The following COL5A1 variants were observed in gnomAD, a reference collection of about 807,000 sequenced individuals.
The protein encoded by COL5A1 is collagen type V alpha 1 chain, also known as collagen alpha-1(V) chain.
A neutral mutation model predicts 263.7 loss-of-function variants in COL5A1; 16 were observed. The ratio of observed to expected loss-of-function variants is 0.06; its 90% CI spans 0.04 to 0.09. The LOEUF (loss-of-function observed/expected upper bound fraction) is 0.09. Among genes scored for constraint, COL5A1 ranks in the 10% least tolerant of loss-of-function variants. The pLI, the probability that COL5A1 is intolerant of heterozygous loss-of-function variation, is 1.00. For missense variants in COL5A1, 2,036 were observed against 2,540.5 expected, an observed-to-expected ratio of 0.80 and a Z score of 4.27; for synonymous variants, 1,012 against 1,004.5, an observed-to-expected ratio of 1.01 and a Z score of -0.14.
chr9:134,698,568 C>T (rs1452883152), intron 2 of COL5A1, among the ~76,000 whole-genome samples: 3 of 152,218 alleles, frequency 2.0e-5, no homozygotes, highest in African/African-American at 7.2e-5. Flanking sequence ...CCCTTGGAAG[C>T]CTCAGGATGC....
In COL5A1 at chr9:134,735,209, CAA is replaced by C. The variant is rs11288569; in HGVS notation, c.1389+3097_1389+3098del. Among the ~76,000 whole-genome samples the C allele has an allele frequency of 4.8e-3, 654 of 135,552 alleles. 2 individuals carry two copies. Among genetic ancestry groups the C allele is most frequent in the African/African-American group, 0.011 (399 of 36,828 alleles). The allele number at this position is 135,552 out of a possible 152,430, so 88.9% of individuals were successfully genotyped here. A position where few individuals can be genotyped will look rare whatever the true frequency, so the allele number is the denominator to read the frequency against. ...GCCTGGACAGCGTGAGACTCCATCT[CAA>C]AAAAAAAAAAAAAATTGTGTGCATT... On this transcript the variant is annotated intron_variant, in intron 9 of 65. Transcript: ENST00000371817.
At chr9:134,819,080 A>C (rs751487207) in intron 57 of COL5A1, 27 bp downstream of exon 57, 13 of 1,611,174 alleles carry the variant, frequency 8.1e-6, no homozygotes, top group Non-Finnish European at 9.3e-6. Flanking sequence ...TGCCCCAGCA[A>C]CTGTGACTCG....
chr9:134,810,535 G>A (rs1275786875), intron 44 of COL5A1: 6 of 559,600 alleles, frequency 1.1e-5, no homozygotes, highest in Admixed American at 3.2e-5. Context: ...AGCATCCACC[G>A]GTTTTGCGAA....
At chr9:134,804,935 C>T (rs760151025) in intron 39 of COL5A1, 40 bp from the exon 40 acceptor site, 1 of 1,569,552 alleles carries the variant, frequency 6.4e-7, no homozygotes, top group African/African-American at 1.4e-5. Flanking sequence ...AGGTCTGCGT[C>T]ACTGGCTCCA....
intron 25 of COL5A1, among the ~76,000 whole-genome samples, chr9:134,770,232 T>TTC (rs1477766418): frequency 6.6e-6 from 1 of 152,238 alleles, no homozygotes; most frequent in African/African-American, 2.4e-5. Context: ...AGAGAGAGTT[T>TTC]TCTTTTTTTC....
chr9:134,791,216 T>G (rs894612444), intron 32 of COL5A1, among the ~76,000 whole-genome samples: 2 of 152,232 alleles, frequency 1.3e-5, no homozygotes, highest in Non-Finnish European at 2.9e-5. Flanking sequence ...TGTCTGGCCC[T>G]GCCCAAGGAC....
Position 134,754,206 on chromosome 9 carries a change from A to G in COL5A1, c.1774-67A>G, listed in dbSNP as rs1835893268. ...GGGCAGGGTCGATGAGCACAGGGAC[A>G]AGGCTTTGCTCTTTCTCCTGAGAAA... On this transcript the variant is annotated intron_variant, in intron 15 of 65. Coordinates refer to ENST00000371817, the MANE Select transcript of COL5A1 (RefSeq NM_000093.5). The surrounding 1 kb of genome is among the most constrained non-coding windows in gnomAD (Gnocchi z 4.3). The G allele has an allele frequency of 1.3e-6, 2 of 1,546,992 alleles. No individual in the cohort carries two copies. Among genetic ancestry groups the G allele is most frequent in the Non-Finnish European group, 1.8e-6 (2 of 1,125,404 alleles).
intron 6 of COL5A1, 47 bp downstream of exon 6, chr9:134,728,854 A>G (rs1484513419): frequency 6.2e-6 from 10 of 1,612,642 alleles, no homozygotes; most frequent in Non-Finnish European, 6.8e-6. Flanking sequence ...CCTCGAGGCC[A>G]TGGTGCAGGG....
intron 13 of COL5A1, among the ~76,000 whole-genome samples, chr9:134,751,926 T>G (rs904078757): frequency 1.3e-5 from 2 of 152,238 alleles, no homozygotes; most frequent in African/African-American, 4.8e-5. Flanking sequence ...TTTTATCTTG[T>G]GTATTTTAAT....
At chr9:134,822,923 TG>T in intron 59 of COL5A1, 74 bp from the exon 60 acceptor site, 2 of 1,562,906 alleles carry the variant, frequency 1.3e-6, no homozygotes, top group Non-Finnish European at 8.8e-7. Context: ...GAGACCAGGC[TG>T]GGCAGGACAT....
chr9:134,676,337 G>A lies in COL5A1; in HGVS notation c.110-14575G>A, dbSNP rs143773237. ...AAGGATTTCCATGGCTTAAGGACATGTTGGGCCATCTCTCCATCTCAGGCC... is the reference window on the plus strand; with the variant it reads ...AAGGATTTCCATGGCTTAAGGACATATTGGGCCATCTCTCCATCTCAGGCC... On this transcript the variant is annotated intron_variant, in intron 1 of 65. Transcript: ENST00000371817. Among the ~76,000 whole-genome samples the A allele has an allele frequency of 4.1e-3, 628 of 152,294 alleles. 5 individuals are homozygous for A. Among genetic ancestry groups the A allele is most frequent in the Non-Finnish European group, 7.4e-3 (503 of 68,022 alleles).
At position 134,760,130 on chromosome 9, in the gene COL5A1, A is replaced by C; in HGVS notation, c.1936-1795A>C. On this transcript the variant is annotated intron_variant, in intron 18 of 65. Coordinates refer to ENST00000371817, the MANE Select transcript of COL5A1 (RefSeq NM_000093.5). ...CACTCATACACGCCCACACACCCCCACACTCACATGTGCAGACACCACACA... is the reference window on the plus strand; with the variant it reads ...CACTCATACACGCCCACACACCCCCCCACTCACATGTGCAGACACCACACA... Among the ~76,000 whole-genome samples, 2 of 91,004 alleles carry C rather than the reference A, an allele frequency of 2.2e-5. 1 individual carries two copies. Among genetic ancestry groups the C allele is most frequent in the Admixed American group, 2.8e-4 (2 of 7,182 alleles). 59.7% of individuals were successfully genotyped at this position (91,004 alleles called of 152,430 possible).
chr9:134,809,897 A>G (rs1191826071), intron 43 of COL5A1, among the ~76,000 whole-genome samples: 1 of 152,218 alleles, frequency 6.6e-6, no homozygotes, highest in Non-Finnish European at 1.5e-5. Flanking sequence ...ACCGACAGGA[A>G]CAACAGAGAG....
Position 134,649,099 on chromosome 9 carries a change from T to TG in COL5A1, c.109+6811dup, listed in dbSNP as rs537009308. ...GGGTGAAGTTGGTGCGGGCGGGGTGTGGGGGGGGCTTTGCCATCTCAGATG... is the reference window on the plus strand; with the variant it reads ...GGGTGAAGTTGGTGCGGGCGGGGTGTGGGGGGGGGCTTTGCCATCTCAGATG... On this transcript the variant is annotated intron_variant, in intron 1 of 65. Coordinates refer to ENST00000371817, the MANE Select transcript of COL5A1 (RefSeq NM_000093.5). Among the ~76,000 whole-genome samples the TG allele has an allele frequency of 4.8e-4, 59 of 123,164 alleles. No homozygotes were observed. In the South Asian group the frequency reaches 8.8e-3, roughly 18 times the overall value. The allele number at this position is 123,164 out of a possible 152,430, so 80.8% of individuals were successfully genotyped here.
At chr9:134,759,176 T>C (rs1389262354) in intron 18 of COL5A1, among the ~76,000 whole-genome samples, 1 of 151,836 alleles carries the variant, frequency 6.6e-6, no homozygotes, top group African/African-American at 2.4e-5. Flanking sequence ...ACTGAGGACA[T>C]ACAGGCACAT....
At chr9:134,657,421 T>G (rs868317677) in intron 1 of COL5A1, among the ~76,000 whole-genome samples, 39 of 5,878 alleles carry the variant, frequency 6.6e-3, no homozygotes, top group Admixed American at 0.018. Context: ...AATATGGGGG[T>G]GGGGTGGGGG....
In COL5A1 at chr9:134,811,210, C is replaced by G; in HGVS notation, c.3529-129C>G. 5 of 850,530 alleles carry G rather than the reference C, an allele frequency of 5.9e-6. 1 individual carries two copies. The highest frequency in any genetic ancestry group is 5.3e-5 in the South Asian group (4 of 74,926). 52.7% of individuals were successfully genotyped at this position (850,530 alleles called of 1,614,324 possible). On this transcript the variant is annotated intron_variant, in intron 44 of 65. Coordinates refer to ENST00000371817, the MANE Select transcript of COL5A1 (RefSeq NM_000093.5). ...CAGGCTTGCATCGTGGTGCAAGGAA[C>G]GACACATTTGGAGACTGAACTGACG...
Position 134,696,229 on chromosome 9 carries a change from A to T in COL5A1, c.278-3680A>T, listed in dbSNP as rs1833461603. Among the ~76,000 whole-genome samples the T allele has an allele frequency of 1.3e-5, 2 of 152,040 alleles. No individual in the cohort carries two copies. Among genetic ancestry groups the T allele is most frequent in the Admixed American group, 1.3e-4 (2 of 15,266 alleles). ...CACTCTGTCGCCCAGGCTGGAGTGC[A>T]GTGGTGTAATCTTGGCTCACGGCAA... On this transcript the variant is annotated intron_variant, in intron 2 of 65. Transcript: ENST00000371817. This position sits in a 1 kb window ranked among gnomAD's most constrained non-coding sequence, Gnocchi z 4.3.
chr9:134,785,937 G>C, intron 30 of COL5A1, 58 bp from the exon 31 acceptor site: 1 of 1,505,460 alleles, frequency 6.6e-7, no homozygotes, highest in Admixed American at 1.7e-5. Flanking sequence ...TCTCTGCTCC[G>C]GGGAAACGGA....
Sources: gnomAD v4.1 joint callset for allele counts (sites outside exome capture counted in the v4.1 genomes callset) on GRCh38, gnomAD v4.1.1 for gene constraint, Gnocchi (gnomAD v3.1) non-coding constraint, MANE v1.5 for transcripts, NCBI Gene and HGNC (gene_info 2026-07-23, HGNC 2026-07-21) for gene names.